The following ARHGAP21 variants were observed in gnomAD, a reference collection of about 807,000 sequenced individuals.
ARHGAP21 encodes the protein rho GTPase-activating protein 21.
ARHGAP21 carries 38 observed loss-of-function variants against 164.6 expected under a neutral mutation model. The ratio of observed to expected loss-of-function variants is 0.23; its 90% CI spans 0.18 to 0.30. ARHGAP21 has a LOEUF of 0.30. Among genes scored for constraint, ARHGAP21 ranks in the 10% least tolerant of loss-of-function variants. The probability of loss-of-function intolerance (pLI) is 1.00; values close to 1 mark genes in which losing one functional copy is unlikely to be tolerated. For missense variants in ARHGAP21, 1,822 were observed against 2,370.7 expected (o/e 0.77, Z 4.81); for synonymous variants, 766 against 857.9 (o/e 0.89, Z 1.87).
At position 24,584,664 on chromosome 10, in the gene ARHGAP21, T is replaced by C. The variant is rs1337957859; in HGVS notation, c.5625A>G (p.Thr1875=). The C allele has an allele frequency of 1.2e-6, 2 of 1,613,968 alleles. No homozygotes were observed. Among genetic ancestry groups the C allele is most frequent in the Non-Finnish European group, 1.7e-6 (2 of 1,179,860 alleles). ...LSRGEIGDPQ[T]ENPSTREIAT... is the part of the protein sequence containing the mutation. ...CTATTTCTCGTGTGCTTGGGTTCTC[T>C]GTCTGGGGATCTCCGATTTCTCCTC... The change falls in exon 26 of 26, where the codon ACA becomes ACG. Residue 1875 remains threonine, a synonymous_variant. Coordinates refer to ENST00000396432, the MANE Select transcript of ARHGAP21 (RefSeq NM_020824.4).
chr10:24,663,690 G>A (rs1036155794), intron 4 of ARHGAP21, among the ~76,000 whole-genome samples: 23 of 152,002 alleles, frequency 1.5e-4, no homozygotes, highest in African/African-American at 5.6e-4. Flanking sequence ...CCCCACCCCT[G>A]GCTAATTTTT....
At chr10:24,610,754 T>C (rs1222792139) in intron 9 of ARHGAP21, among the ~76,000 whole-genome samples, 1 of 152,202 alleles carries the variant, frequency 6.6e-6, no homozygotes, top group Non-Finnish European at 1.5e-5. Flanking sequence ...AATTCATACA[T>C]GTTACATAAT....
At position 24,641,205 on chromosome 10, in the gene ARHGAP21, A is replaced by G. The variant is rs181009885; in HGVS notation, c.269-6102T>C. ...ACACAATGTCCAACATTAAAAATCC[A>G]TATGTATCATATGATAAATATATCC... On this transcript the variant is annotated intron_variant, in intron 4 of 25. Coordinates refer to ENST00000396432, the MANE Select transcript of ARHGAP21 (RefSeq NM_020824.4). 2.3e-3 allele frequency among the ~76,000 whole-genome samples: 351 copies of G among 152,366 alleles called. 6 individuals carry two copies. The highest frequency in any genetic ancestry group is 3.0e-3 in the Non-Finnish European group (204 of 68,036).
At position 24,621,391 on chromosome 10, in the gene ARHGAP21, G is replaced by A. The variant is rs375058195; in HGVS notation, c.526-22C>T. The A allele has an allele frequency of 2.6e-5, 40 of 1,534,188 alleles. No homozygotes were observed. In the African/African-American group the frequency reaches 3.9e-4, roughly 15 times the overall value. ...ATGCCTGTATAGAAATGAGAGGAAG[G>A]TGTCACTGGAAATTCATAAAAAGAA... On this transcript the variant is annotated intron_variant, in intron 8 of 25. Coordinates refer to ENST00000396432, the MANE Select transcript of ARHGAP21 (RefSeq NM_020824.4).
At chr10:24,590,928 G>A (rs2076298960) in intron 24 of ARHGAP21, 6 of 907,292 alleles carry the variant, frequency 6.6e-6, no homozygotes, top group South Asian at 5.1e-5. Flanking sequence ...CTATTACATG[G>A]AAACTGTGAA....
chr10:24,603,716 G>T (rs1308800350), intron 12 of ARHGAP21, among the ~76,000 whole-genome samples: 5 of 152,158 alleles, frequency 3.3e-5, no homozygotes, highest in African/African-American at 1.2e-4. Context: ...GCAGGGGACT[G>T]GCTGGGGATG....
At chr10:24,720,736 T>G (rs919204464) in intron 2 of ARHGAP21, among the ~76,000 whole-genome samples, 4 of 152,164 alleles carry the variant, frequency 2.6e-5, no homozygotes, top group African/African-American at 9.7e-5. Flanking sequence ...GAGCCAGCCC[T>G]TGTTTCAAGG....
chr10:24,716,668 G>C (rs1357067168), intron 2 of ARHGAP21, among the ~76,000 whole-genome samples: 1 of 152,206 alleles, frequency 6.6e-6, no homozygotes, highest in Non-Finnish European at 1.5e-5. Flanking sequence ...TTTGAGCAAA[G>C]GAATGACACA....
chr10:24,698,238 T>G (rs1178115117), intron 2 of ARHGAP21, among the ~76,000 whole-genome samples: 1 of 152,190 alleles, frequency 6.6e-6, no homozygotes, highest in Non-Finnish European at 1.5e-5. Context: ...TAGTACTATG[T>G]AAAAACATAT....
intron 2 of ARHGAP21, among the ~76,000 whole-genome samples, chr10:24,695,377 C>T (rs776212656): frequency 7.2e-5 from 11 of 151,796 alleles, no homozygotes; most frequent in East Asian, 1.9e-4. Context: ...AAGACCAGCC[C>T]GGCCAACGTG....
chr10:24,666,315 C>A (rs1015350474), intron 4 of ARHGAP21, among the ~76,000 whole-genome samples: 1 of 152,152 alleles, frequency 6.6e-6, no homozygotes, highest in East Asian at 1.9e-4. Context: ...CAGGCGTGAG[C>A]GACTGCGCCC....
In ARHGAP21 at chr10:24,586,125, G is replaced by A; in HGVS notation, c.4183-19C>T. 1 of 1,550,368 alleles carries A rather than the reference G, an allele frequency of 6.5e-7. No individual in the cohort carries two copies. The highest frequency in any genetic ancestry group is 8.7e-7 in the Non-Finnish European group (1 of 1,154,876). Reference sequence around the variant, plus strand: ...AAGAACCCTGGGAAGCAAGAGAGAAGAAAGACTCTGAGCATAAGAATGCAG... The same window carrying A: ...AAGAACCCTGGGAAGCAAGAGAGAAAAAAGACTCTGAGCATAAGAATGCAG... On this transcript the variant is annotated intron_variant, in intron 25 of 25. Coordinates refer to ENST00000396432, the MANE Select transcript of ARHGAP21 (RefSeq NM_020824.4).
rs983419720 is a variant in ARHGAP21 at position 24,717,606 on chromosome 10, A to T, written c.63+4231T>A. Reference sequence around the variant, plus strand: ...GGGACAGTAGAGGGAAGGGTAGAAGAAAGGACCTGACAGGAGTTCAATCTA... The same window carrying T: ...GGGACAGTAGAGGGAAGGGTAGAAGTAAGGACCTGACAGGAGTTCAATCTA... On this transcript the variant is annotated intron_variant, in intron 2 of 25. Transcript: ENST00000396432. 1.5e-4 allele frequency among the ~76,000 whole-genome samples: 23 copies of T among 152,130 alleles called. 1 individual carries two copies. The highest frequency in any genetic ancestry group is 1.2e-3 in the Admixed American group (19 of 15,262).
At chr10:24,597,697 AAAC>A in intron 15 of ARHGAP21, 114 bp from the exon 16 acceptor site, 1 of 1,458,252 alleles carries the variant, frequency 6.9e-7, no homozygotes, top group Non-Finnish European at 9.3e-7. Context: ...TTCTTGGAAT[AAAC>A]AATTCATAAG....
chr10:24,600,392 A>G (rs887738227), intron 14 of ARHGAP21, among the ~76,000 whole-genome samples: 7 of 152,142 alleles, frequency 4.6e-5, no homozygotes, highest in African/African-American at 1.7e-4. Flanking sequence ...AGGACTAGGA[A>G]TGTAGTTCAT....
rs550003973 is a variant in ARHGAP21, at chr10:24,635,143, T to C, written c.269-40A>G. On this transcript the variant is annotated intron_variant, in intron 4 of 25. Coordinates refer to ENST00000396432, the MANE Select transcript of ARHGAP21 (RefSeq NM_020824.4). ...CCCAAAGCATGATTTTACTTCACAA[T>C]ACTTTACTAAAATACCTAAATATAA... 36 of 1,330,514 alleles carry C rather than the reference T, an allele frequency of 2.7e-5. No homozygotes were observed. The South Asian group carries it at 3.5e-4, about 13-fold the overall frequency. The allele number at this position is 1,330,514 out of a possible 1,614,324, so 82.4% of individuals were successfully genotyped here. A position where few individuals can be genotyped will look rare whatever the true frequency, so the allele number is the denominator to read the frequency against.
At chr10:24,707,533 T>A (rs1387820595) in intron 2 of ARHGAP21, among the ~76,000 whole-genome samples, 1 of 152,184 alleles carries the variant, frequency 6.6e-6, no homozygotes, top group Admixed American at 6.5e-5. Context: ...CAAATCTGCG[T>A]GACTAAACAC....
intron 12 of ARHGAP21, among the ~76,000 whole-genome samples, chr10:24,602,311 G>A (rs539915757): frequency 2.2e-4 from 33 of 152,018 alleles, no homozygotes; most frequent in African/African-American, 8.0e-4. Context: ...AACAAATGAC[G>A]TAATTTTCCT....
intron 25 of ARHGAP21, among the ~76,000 whole-genome samples, chr10:24,587,085 C>T (rs764715073): frequency 7.2e-5 from 11 of 152,086 alleles, no homozygotes; most frequent in Non-Finnish European, 1.3e-4. Flanking sequence ...ACAATTAAAT[C>T]CTTACCACAG....
Sources: gnomAD v4.1 joint callset for allele counts (sites outside exome capture counted in the v4.1 genomes callset) on GRCh38, gnomAD v4.1.1 for gene constraint, MANE v1.5 for transcripts, NCBI Gene and HGNC (gene_info 2026-07-23, HGNC 2026-07-21) for gene names.